The following IL9R variants were observed in gnomAD, a reference collection of about 807,000 sequenced individuals.
IL9R encodes the protein interleukin 9 receptor.
A neutral mutation model predicts 56.3 loss-of-function variants in IL9R; 54 were observed. The ratio of observed to expected loss-of-function variants is 0.96; its 90% CI spans 0.77 to 1.20. IL9R has a LOEUF of 1.20. IL9R is among the 50% of genes most tolerant of loss of function. The probability of loss-of-function intolerance (pLI) is 0.00; values close to 1 mark genes in which losing one functional copy is unlikely to be tolerated. For synonymous variants in IL9R, 212 were observed against 250.2 expected (o/e 0.85, Z 1.44); for missense variants, 545 against 629.8 (o/e 0.87, Z 1.44).
intron 1 of IL9R, among the ~76,000 whole-genome samples, chrX:155,998,025 C>T (rs1480800994): frequency 6.6e-6 from 1 of 152,090 alleles, no homozygotes; most frequent in African/African-American, 2.4e-5. Flanking sequence ...GTCATGGGTT[C>T]TGCTGTGGCC....
At chrX:156,009,256 GTGTGTGTGTTTGTGTGTGTATGTC>G (rs2068289492) in intron 8 of IL9R, among the ~76,000 whole-genome samples, 1 of 135,366 alleles carries the variant, frequency 7.4e-6, no homozygotes, top group Admixed American at 7.1e-5. Context: ...GTGTGTCTGT[GTGTGTGTGTTTGTGTGTGTATGTC>G]TGTGTGTGTG....
intron 1 of IL9R, 47 bp from the exon 2 acceptor site, chrX:156,002,859 C>T (rs756289172): frequency 6.2e-7 from 1 of 1,612,694 alleles, no homozygotes; most frequent in South Asian, 1.1e-5. Flanking sequence ...GAGCACCCCT[C>T]CAGAGAGGGA....
intron 8 of IL9R, among the ~76,000 whole-genome samples, chrX:156,009,254 G>GTGTGTGTGTTTA (rs2068287581): frequency 3.4e-5 from 2 of 58,364 alleles, no homozygotes; most frequent in African/African-American, 6.2e-5. Flanking sequence ...GTGTGTGTCT[G>GTGTGTGTGTTTA]TGTGTGTGTG....
intron 6 of IL9R, 31 bp downstream of exon 6, chrX:156,005,510 GC>G (rs1243143164): frequency 4.4e-6 from 7 of 1,589,766 alleles, no homozygotes; most frequent in Non-Finnish European, 6.0e-6. Flanking sequence ...TGCACTTCCA[GC>G]GGAGTCTGGG....
intron 8 of IL9R, chrX:156,008,093 C>G (rs1218281560): frequency 1.4e-5 from 3 of 219,390 alleles, no homozygotes; most frequent in African/African-American, 7.2e-5. Flanking sequence ...GCACTTCCCC[C>G]CCTTCCACCC....
chrX:156,009,258 G>GTGTT (rs2068290087), intron 8 of IL9R, among the ~76,000 whole-genome samples: 1 of 120,020 alleles, frequency 8.3e-6, no homozygotes, highest in African/African-American at 3.5e-5. Flanking sequence ...GTGTCTGTGT[G>GTGTT]TGTGTGTTTG....
chrX:156,003,630 C>G (rs781077566), intron 3 of IL9R, 47 bp from the exon 4 acceptor site: 1 of 1,611,488 alleles, frequency 6.2e-7, no homozygotes, highest in South Asian at 1.1e-5. Flanking sequence ...AGCAGCTATG[C>G]CAGGACAGTG....
At chrX:156,005,558 C>T in intron 6 of IL9R, 79 bp downstream of exon 6, 2 of 1,203,254 alleles carry the variant, frequency 1.7e-6, no homozygotes, top group East Asian at 2.4e-5. Context: ...CAGCCCTGCA[C>T]CCTTTCACCC....
At chrX:155,997,864 C>T (rs2067247258) in intron 1 of IL9R, 77 bp downstream of exon 1, 2 of 1,370,914 alleles carry the variant, frequency 1.5e-6, no homozygotes, top group Non-Finnish European at 2.1e-6. Context: ...ATGTGGCCCT[C>T]CAACTCGGGG....
chrX:156,006,985 A>G (rs996617084), intron 7 of IL9R, among the ~76,000 whole-genome samples: 2 of 151,520 alleles, frequency 1.3e-5, no homozygotes, highest in South Asian at 2.1e-4. Flanking sequence ...CATGAGGGGA[A>G]ATAGAAGGGA....
chrX:156,000,198 G>T (rs2067428352), intron 1 of IL9R, among the ~76,000 whole-genome samples: 2 of 151,748 alleles, frequency 1.3e-5, no homozygotes, highest in South Asian at 4.2e-4. Context: ...CTGTGTAACA[G>T]TAAGTGGATG....
chrX:155,998,108 ACCTTTGTGGGGGTG>A (rs2067259561), intron 1 of IL9R, among the ~76,000 whole-genome samples: 2 of 151,944 alleles, frequency 1.3e-5, no homozygotes, highest in African/African-American at 4.8e-5. Flanking sequence ...GATTGAACTG[ACCTTTGTGGGGGTG>A]CCTTTGTGGG....
Position 155,999,747 on chromosome X carries a change from G to C in IL9R, c.28+1960G>C, listed in dbSNP as rs748658258. Among the ~76,000 whole-genome samples, 6 of 152,232 alleles carry C rather than the reference G, an allele frequency of 3.9e-5. No individual in the cohort carries two copies. The South Asian group carries it at 1.2e-3, about 32-fold the overall frequency. The stretch of plus-strand genomic sequence containing the variant: ...AGCAGACAGAAGACCTTGCTGGACA[G>C]GTGTCCACTTCAATAGTAACTTCTG... On this transcript the variant is annotated intron_variant, in intron 1 of 8. Coordinates refer to ENST00000244174, the MANE Select transcript of IL9R (RefSeq NM_002186.3).
At chrX:156,003,400 C>A in intron 2 of IL9R, 49 bp from the exon 3 acceptor site, 1 of 1,338,730 alleles carries the variant, frequency 7.5e-7, no homozygotes, top group Non-Finnish European at 1.1e-6. Context: ...CCGAGCTCAG[C>A]TCTGGCCTGA....
At chrX:156,007,457 G>C in intron 7 of IL9R, 66 bp from the exon 8 acceptor site, 1 of 847,332 alleles carries the variant, frequency 1.2e-6, no homozygotes. Flanking sequence ...AGGAAGCTCA[G>C]CCTCTGCAGT....
chrX:156,002,922 T>A lies in IL9R; in HGVS notation c.45T>A (p.Ser15Arg). ...RCIWEGWTLE[S>R]EALRRDMGTW... ...CCCTTGCAGGCTGGACCTTGGAGAG[T>A]GAGGCCCTGAGGCGAGACATGGGCA... is the stretch of plus-strand genomic sequence containing the variant. Residue 15 changes from serine (S) to arginine (R), a missense_variant, in exon 2 of 9, where the codon AGT becomes AGA. Transcript: ENST00000244174. 6.2e-7 allele frequency: 1 copy of A among 1,613,660 alleles called. No homozygotes were observed. The highest frequency in any genetic ancestry group is 8.5e-7 in the Non-Finnish European group (1 of 1,179,782).
At chrX:156,009,403 CTG>C (rs1293609662) in intron 8 of IL9R, among the ~76,000 whole-genome samples, 6,924 of 126,538 alleles carry the variant, frequency 0.055, 24 homozygotes, top group Middle Eastern at 0.13. Flanking sequence ...GTGTGTGTCT[CTG>C]TGTGTGTGTG....
At position 156,004,685 on chromosome X, in the gene IL9R, C is replaced by A. The variant is rs373092589; in HGVS notation, c.579+120C>A. On this transcript the variant is annotated intron_variant, in intron 5 of 8. Transcript: ENST00000244174. ...AGTGATGAGAAGGGAGGAACTAGAG[C>A]GGGGTGTGTGTGCACACACACATGC... is the stretch of plus-strand genomic sequence containing the variant. The A allele has an allele frequency of 1.2e-4, 126 of 1,022,610 alleles. No individual in the cohort carries two copies. In the African/African-American group the frequency reaches 1.9e-3, roughly 15 times the overall value. 63.3% of individuals were successfully genotyped at this position (1,022,610 alleles called of 1,614,324 possible).
At position 155,997,770 on chromosome X, in the gene IL9R, G is replaced by T; in HGVS notation, c.11G>T (p.Gly4Val). 6.2e-7 allele frequency: 1 copy of T among 1,613,736 alleles called. No homozygotes were observed. Among genetic ancestry groups the T allele is most frequent in the African/African-American group, 1.3e-5 (1 of 75,012 alleles). Reference sequence around the variant, plus strand: ...TGCCTCAGACTTGTGATGGGACTGGGCAGATGCATCTGGGAAGGTGAGTCT... The same window carrying T: ...TGCCTCAGACTTGTGATGGGACTGGTCAGATGCATCTGGGAAGGTGAGTCT... MGL[G>V]RCIWEGWTLE... Residue 4 changes from glycine to valine, a missense_variant, in exon 1 of 9, where the codon GGC becomes GTC. By Grantham distance (109) the Gly-to-Val change is moderately radical. This residue lies in a region of IL9R where 431 missense variants were observed against 360.0 expected (regional missense o/e 1.20). Coordinates refer to ENST00000244174, the MANE Select transcript of IL9R (RefSeq NM_002186.3).
Sources: gnomAD v4.1 joint callset for allele counts (sites outside exome capture counted in the v4.1 genomes callset) on GRCh38, gnomAD v4.1.1 for gene constraint, gnomAD v4.1.1 regional missense constraint, MANE v1.5 for transcripts, NCBI Gene and HGNC (gene_info 2026-07-23, HGNC 2026-07-21) for gene names.